Variants in MED25 observed in about 807,000 individuals in gnomAD.
MED25 encodes mediator complex subunit 25, also known as mediator of RNA polymerase II transcription subunit 25.
Under a neutral mutation model 89.4 loss-of-function variants are expected in MED25, and 62 were observed. The ratio of observed to expected loss-of-function variants is 0.69; its 90% confidence interval spans 0.57 to 0.86. The LOEUF (loss-of-function observed/expected upper bound fraction) is 0.86. MED25 is among the 40% of genes least tolerant of loss of function. MED25 has a pLI of 0.00. For missense variants in MED25, 905 were observed against 1,005.2 expected (o/e 0.90, Z 1.35); for synonymous variants, 449 against 427.9 (o/e 1.05, Z -0.61).
chr19:49,818,335 A>C lies in MED25; in HGVS notation c.-7A>C, dbSNP rs201244206. ...CTGCAGTGGTGGTGGCGGGTACCGC[A>C]CGGGGTATGGTCCCCGGGTCCGAGG... On this transcript the variant is annotated 5_prime_UTR_variant, in exon 1 of 18. Transcript: ENST00000312865. The C allele has an allele frequency of 1.0e-5, 16 of 1,575,422 alleles. No homozygotes were observed. In the East Asian group the frequency reaches 3.3e-4, roughly 32 times the overall value.
chr19:49,827,312 T>C (rs1346520726), intron 3 of MED25, among the ~76,000 whole-genome samples: 1 of 151,630 alleles, frequency 6.6e-6, no homozygotes, highest in African/African-American at 2.4e-5. Flanking sequence ...GAAACGAGAG[T>C]CTGTGTGTGT....
chr19:49,836,469 G>A lies in MED25; in HGVS notation c.2146+63G>A, dbSNP rs112023338. 2.7e-5 allele frequency: 42 copies of A among 1,529,954 alleles called. No individual in the cohort carries two copies. The highest frequency in any genetic ancestry group is 9.6e-5 in the African/African-American group (7 of 72,800). The allele number at this position is 1,529,954 out of a possible 1,614,324, so 94.8% of individuals were successfully genotyped here. ...GTGTCCCAGCAGCTCCTGGGCTAGA[G>A]CACCAAGACCGAGTGCTCCTGGGAA... On this transcript the variant is annotated intron_variant, in intron 17 of 17. Coordinates refer to ENST00000312865, the MANE Select transcript of MED25 (RefSeq NM_030973.4). The surrounding 1 kb of genome is among the most constrained non-coding windows in gnomAD (Gnocchi z 5.1).
rs868663771 is a variant in MED25, at chr19:49,831,433, C to T, written c.1202C>T (p.Ala401Val). Residue 401 changes from alanine to valine, a missense_variant, in exon 10 of 18, where the codon GCC becomes GTC. By Grantham distance (64) the Ala-to-Val change is moderately conservative. Transcript: ENST00000312865. This position sits in a 1 kb window ranked among gnomAD's most constrained non-coding sequence, Gnocchi z 5.0. ...GQQSVSNKLL[A>V]WSGVLEWQEK... is the part of the protein sequence containing the mutation. ...CAGTCAGTCTCCAATAAGCTTCTGG[C>T]CTGGAGCGGGGTCCTGGAGTGGCAA... is the stretch of plus-strand genomic sequence containing the variant. The T allele has an allele frequency of 6.8e-6, 11 of 1,612,282 alleles. No individual in the cohort carries two copies. The Middle Eastern group carries it at 9.9e-4, about 145-fold the overall frequency.
Position 49,835,939 on chromosome 19 carries a change from A to G in MED25, c.1959A>G (p.Pro653=), listed in dbSNP as rs757384751. 5 of 1,612,002 alleles carry G rather than the reference A, an allele frequency of 3.1e-6. No individual in the cohort carries two copies. The highest frequency in any genetic ancestry group is 4.2e-6 in the Non-Finnish European group (5 of 1,179,718). ...AGCTGCGAAGCCTCCTCCTCAACCC[A>G]CCACCGGTGAGATGTTGGGGTGGGG... The part of the protein sequence containing the change: ...NPQLRSLLLN[P]PPPQTGVPPP... The change falls in exon 16 of 18, where the codon CCA becomes CCG. Residue 653 remains proline, a synonymous_variant. Transcript: ENST00000312865. The surrounding 1 kb of genome is among the most constrained non-coding windows in gnomAD (Gnocchi z 6.2).
intron 3 of MED25, among the ~76,000 whole-genome samples, chr19:49,820,225 G>C (rs2073972811): frequency 6.6e-6 from 1 of 152,202 alleles, no homozygotes; most frequent in Non-Finnish European, 1.5e-5. Flanking sequence ...TCCAAAGACG[G>C]CCCAGAACAA....
Position 49,831,927 on chromosome 19 carries a change from C to T in MED25, c.1231-9C>T, listed in dbSNP as rs201845985. On this transcript the variant is annotated splice_polypyrimidine_tract_variant and intron_variant, in intron 10 of 17. Transcript: ENST00000312865. The surrounding 1 kb of genome is among the most constrained non-coding windows in gnomAD (Gnocchi z 5.0). ...CCTTTTTACTGACATGCTCTTTTTTCCCCCTCAGAAACCCAAACCTGCCTC... is the reference window on the plus strand; with the variant it reads ...CCTTTTTACTGACATGCTCTTTTTTTCCCCTCAGAAACCCAAACCTGCCTC... The T allele has an allele frequency of 6.2e-7, 1 of 1,613,316 alleles. No individual in the cohort carries two copies. Among genetic ancestry groups the T allele is most frequent in the Non-Finnish European group, 8.5e-7 (1 of 1,179,396 alleles).
At chr19:49,819,446 T>C in intron 3 of MED25, 150 bp downstream of exon 3, 1 of 828,286 alleles carries the variant, frequency 1.2e-6, no homozygotes, top group Non-Finnish European at 1.9e-6. Flanking sequence ...TGTGAATAAG[T>C]AATGGCTTGG....
chr19:49,836,792 C>T lies in MED25; in HGVS notation c.2147-55C>T. 5 of 1,407,148 alleles carry T rather than the reference C, an allele frequency of 3.6e-6. No individual in the cohort carries two copies. The highest frequency in any genetic ancestry group is 5.0e-6 in the Non-Finnish European group (5 of 1,001,354). The allele number at this position is 1,407,148 out of a possible 1,614,324, so 87.2% of individuals were successfully genotyped here. A position where few individuals can be genotyped will look rare whatever the true frequency, so the allele number is the denominator to read the frequency against. On this transcript the variant is annotated intron_variant, in intron 17 of 17. Transcript: ENST00000312865. This position sits in a 1 kb window ranked among gnomAD's most constrained non-coding sequence, Gnocchi z 5.1. ...CTAGAAAACTTAGTGCCTCTGGGCC[C>T]TCCTGGGCCCAAGGGCCTACTGGGA...
downstream of MED25, chr19:49,838,955 T>C (rs2074117393): frequency 2.8e-6 from 1 of 361,216 alleles, no homozygotes. Context: ...CAGAGTGACG[T>C]GTCCTGCACA....
downstream of MED25, chr19:49,839,021 A>G (rs918323686): frequency 1.8e-5 from 6 of 329,196 alleles, no homozygotes; most frequent in African/African-American, 1.3e-4. Context: ...TGCGTTGCAC[A>G]GTGAGTTGGA....
rs1486420659 is a variant in MED25, at chr19:49,828,303, T to A, written c.306-146T>A. 10 of 690,074 alleles carry A rather than the reference T, an allele frequency of 1.4e-5. No homozygotes were observed. In the Admixed American group the frequency reaches 1.5e-4, roughly 11 times the overall value. The allele number at this position is 690,074 out of a possible 1,614,324, so 42.7% of individuals were successfully genotyped here. A position where few individuals can be genotyped will look rare whatever the true frequency, so the allele number is the denominator to read the frequency against. On this transcript the variant is annotated intron_variant, in intron 3 of 17. Coordinates refer to ENST00000312865, the MANE Select transcript of MED25 (RefSeq NM_030973.4). ...CTGGTGCTGTGCTAGCACCAGGGAT[T>A]GGGTAGGGAACTCAGCAGGGTCCCC...
In MED25 at chr19:49,834,799, C is replaced by CAAG; in HGVS notation, c.1483-187_1483-186insAAG. 1 of 628,036 alleles carries CAAG rather than the reference C, an allele frequency of 1.6e-6. No individual in the cohort carries two copies. Among genetic ancestry groups the CAAG allele is most frequent in the East Asian group, 2.7e-5 (1 of 36,514 alleles). 38.9% of individuals were successfully genotyped at this position (628,036 alleles called of 1,614,324 possible). ...TCTCAGTGGGCAGCTGGAACCCTAG[C>CAAG]TTGCCCTGAGCGCCTCAGTTTCTGT... On this transcript the variant is annotated intron_variant, in intron 13 of 17. Transcript: ENST00000312865. The surrounding 1 kb of genome is among the most constrained non-coding windows in gnomAD (Gnocchi z 4.1).
At chr19:49,826,564 A>G (rs1487904178) in intron 3 of MED25, among the ~76,000 whole-genome samples, 1 of 152,198 alleles carries the variant, frequency 6.6e-6, no homozygotes, top group Non-Finnish European at 1.5e-5. Context: ...CTGAGTACTC[A>G]GCAGATGGTT....
chr19:49,831,901 C>T lies in MED25; in HGVS notation c.1231-35C>T. 6.3e-7 allele frequency: 1 copy of T among 1,586,216 alleles called. No individual in the cohort carries two copies. Among genetic ancestry groups the T allele is most frequent in the Non-Finnish European group, 8.7e-7 (1 of 1,154,644 alleles). ...GGCTCAAGGGGACTGAGGCTTATGG[C>T]CCTTTTTACTGACATGCTCTTTTTT... On this transcript the variant is annotated intron_variant, in intron 10 of 17. Transcript: ENST00000312865. The surrounding 1 kb of genome is among the most constrained non-coding windows in gnomAD (Gnocchi z 5.0).
At chr19:49,832,441 G>A (rs1600327912) in intron 13 of MED25, 26 bp downstream of exon 13, 1 of 1,341,420 alleles carries the variant, frequency 7.5e-7, no homozygotes, top group East Asian at 2.3e-5. Context: ...GGGGGGCCGA[G>A]GGGTGTTGAC....
rs551069830 is a variant in MED25 at position 49,830,510 on chromosome 19, G to A, written c.820-1G>A. 1.1e-5 allele frequency: 18 copies of A among 1,614,030 alleles called. No individual in the cohort carries two copies. The highest frequency in any genetic ancestry group is 1.5e-5 in the Non-Finnish European group (18 of 1,179,954). On this transcript the variant is annotated splice_acceptor_variant, in intron 7 of 17. Coordinates refer to ENST00000312865, the MANE Select transcript of MED25 (RefSeq NM_030973.4). LOFTEE classifies it high-confidence loss of function. This position sits in a 1 kb window ranked among gnomAD's most constrained non-coding sequence, Gnocchi z 4.6. ...CTTCCCTTCTTCCCTTCTACCCACA[G>A]GTTCCCGGGAACCTGAGTGCAGCTC...
In MED25 at chr19:49,819,247, G is replaced by C; in HGVS notation, c.256G>C (p.Ala86Pro). 1 of 1,614,170 alleles carries C rather than the reference G, an allele frequency of 6.2e-7. No homozygotes were observed. Among genetic ancestry groups the C allele is most frequent in the Non-Finnish European group, 8.5e-7 (1 of 1,180,018 alleles). The change falls in exon 3 of 18, where the codon GCT becomes CCT. Residue 86 changes from alanine (A) to proline (P), a missense_variant. Physicochemically the swap from Ala to Pro is conservative, Grantham distance 27 (BLOSUM62 -1). Coordinates refer to ENST00000312865, the MANE Select transcript of MED25 (RefSeq NM_030973.4). ...CAPESYVQCHAPTSSAYEFVT... is the reference protein window; with the variant it reads ...CAPESYVQCHPPTSSAYEFVT... ...TCCCGAGTCCTACGTACAATGTCAC[G>C]CTCCCACCAGCAGCGCCTATGAGTT...
At chr19:49,838,956 G>A (rs190361974), downstream of MED25, 8 of 361,208 alleles carry the variant, frequency 2.2e-5, no homozygotes, top group East Asian at 5.9e-4. Flanking sequence ...AGAGTGACGT[G>A]TCCTGCACAG....
In MED25 at chr19:49,830,910, C is replaced by T. The variant is rs761182854; in HGVS notation, c.1101+23C>T. 1.9e-6 allele frequency: 3 copies of T among 1,602,462 alleles called. No individual in the cohort carries two copies. In the South Asian group the frequency reaches 3.3e-5, roughly 18 times the overall value. On this transcript the variant is annotated intron_variant, in intron 9 of 17. Coordinates refer to ENST00000312865, the MANE Select transcript of MED25 (RefSeq NM_030973.4). The surrounding 1 kb of genome is among the most constrained non-coding windows in gnomAD (Gnocchi z 4.6). ...ATGGTAGGTGCCTGCACGCCTCCTG[C>T]CCCTGCTCCTTCCTCCTGCTGTCCA...
Sources: gnomAD v4.1 joint callset for allele counts (sites outside exome capture counted in the v4.1 genomes callset) on GRCh38, gnomAD v4.1.1 for gene constraint, Gnocchi (gnomAD v3.1) non-coding constraint, MANE v1.5 for transcripts, NCBI Gene and HGNC (gene_info 2026-07-23, HGNC 2026-07-21) for gene names.